The following WDR5 variants were observed in gnomAD, a reference collection of about 807,000 sequenced individuals.
The protein encoded by WDR5 is WD repeat-containing protein 5.
For synonymous variants in WDR5, 144 were observed against 161.6 expected (o/e 0.89, Z 0.83); for missense variants, 187 against 416.9 (o/e 0.45, Z 4.80).
intron 9 of WDR5, 106 bp downstream of exon 9, chr9:134,152,135 C>T: frequency 2.2e-6 from 3 of 1,363,970 alleles, no homozygotes; most frequent in Non-Finnish European, 3.0e-6. Flanking sequence ...TGCCCTGGGT[C>T]CGCCCCTGCA....
intron 9 of WDR5, among the ~76,000 whole-genome samples, chr9:134,153,893 C>G (rs1246232319): frequency 6.6e-6 from 1 of 152,206 alleles, no homozygotes; most frequent in Non-Finnish European, 1.5e-5. Context: ...AAACTCTGAC[C>G]TGTACATCGA....
intron 9 of WDR5, 77 bp downstream of exon 9, chr9:134,152,106 C>T (rs765272477): frequency 6.6e-7 from 1 of 1,521,716 alleles, no homozygotes; most frequent in East Asian, 2.3e-5. Flanking sequence ...TGTTCTTCAC[C>T]AGCTCCTCCT....
intron 8 of WDR5, among the ~76,000 whole-genome samples, chr9:134,150,767 G>C (rs574096967): frequency 6.6e-6 from 1 of 152,266 alleles, no homozygotes; most frequent in African/African-American, 2.4e-5. Context: ...ACCAGAACCC[G>C]TGTCAGCTCT....
chr9:134,151,063 C>T (rs1049287655), intron 8 of WDR5, among the ~76,000 whole-genome samples: 4 of 152,124 alleles, frequency 2.6e-5, no homozygotes, highest in South Asian at 2.1e-4. Context: ...GAGGCCCTCC[C>T]GCAGTGATTG....
intron 8 of WDR5, 129 bp from the exon 9 acceptor site, chr9:134,151,854 G>T: frequency 1.1e-6 from 1 of 896,680 alleles, no homozygotes; most frequent in South Asian, 1.6e-5. Flanking sequence ...CTGTTAAACA[G>T]GTGAAGCATA....
chr9:134,144,127 C>G (rs28413814), intron 7 of WDR5, among the ~76,000 whole-genome samples: 21,027 of 152,284 alleles, frequency 0.14, 1,642 homozygotes, highest in East Asian at 0.23. Context: ...TGATACTGCC[C>G]GGACGGACAG....
chr9:134,136,358 A>AGTCC (rs1564185262), intron 1 of WDR5, among the ~76,000 whole-genome samples, 158 bp downstream of exon 1: 1 of 147,946 alleles, frequency 6.8e-6, no homozygotes. Flanking sequence ...CCCGCCCGGG[A>AGTCC]CCCCCGCCCC....
rs67422599 is a variant in WDR5, at chr9:134,137,677, AC to A, written c.-59+1478del. Among the ~76,000 whole-genome samples the A allele has an allele frequency of 1.1e-3, 148 of 139,194 alleles. 9 individuals are homozygous for A. The highest frequency in any genetic ancestry group is 3.8e-3 in the Middle Eastern group (1 of 264). 91.3% of individuals were successfully genotyped at this position (139,194 alleles called of 152,430 possible). A position where few individuals can be genotyped will look rare whatever the true frequency, so the allele number is the denominator to read the frequency against. On this transcript the variant is annotated intron_variant, in intron 1 of 13. Transcript: ENST00000358625. ...CTTTGGACTGTGTCTCAAAAAAAAA[AC>A]AAAAACAAAAAAAAAACACGCCAAG...
rs754671794 is a variant in WDR5, at chr9:134,140,786, G to A, written c.165G>A (p.Pro55=). Residue 55 remains proline (P), a synonymous_variant, in exon 3 of 14, where the codon CCG becomes CCA. Transcript: ENST00000358625. ...CAGTGTCCTCCGTGAAATTCAGCCC[G>A]AATGGAGAGTGGCTGGCAAGTTCAT... The part of the protein sequence containing the change: ...TKAVSSVKFS[P]NGEWLASSSA... 4.3e-6 allele frequency: 7 copies of A among 1,614,152 alleles called. No individual in the cohort carries two copies. The Admixed American group carries it at 6.7e-5, about 15-fold the overall frequency.
intron 1 of WDR5, among the ~76,000 whole-genome samples, chr9:134,137,770 C>T (rs751589109): frequency 6.6e-6 from 1 of 152,122 alleles, no homozygotes; most frequent in Admixed American, 6.5e-5. Flanking sequence ...CCCCGCCACC[C>T]CCCGACGGAG....
Position 134,144,299 on chromosome 9 carries a change from TGGTG to T in WDR5, c.528+1581_528+1584del, listed in dbSNP as rs536578332. On this transcript the variant is annotated intron_variant, in intron 7 of 13. Transcript: ENST00000358625. ...CTGTGTGCTTGCGGGCCCAGCCCCT[TGGTG>T]CCAGTCCGCTGCCCTCCAGGACACC... Among the ~76,000 whole-genome samples, 267 of 152,336 alleles carry T rather than the reference TGGTG, an allele frequency of 1.8e-3. 2 individuals are homozygous for T. Among genetic ancestry groups the T allele is most frequent in the African/African-American group, 6.1e-3 (253 of 41,574 alleles).
chr9:134,152,966 C>T (rs1292831104), intron 9 of WDR5, among the ~76,000 whole-genome samples: 2 of 152,230 alleles, frequency 1.3e-5, no homozygotes, highest in Non-Finnish European at 2.9e-5. Context: ...GCCTCATTTT[C>T]ACTCTGTCGC....
In WDR5 at chr9:134,159,829, A is replaced by T. The variant is rs1832913606; in HGVS notation, c.*1836A>T. On this transcript the variant is annotated 3_prime_UTR_variant, in exon 14 of 14. Coordinates refer to ENST00000358625, the MANE Select transcript of WDR5 (RefSeq NM_017588.3). This position sits in a 1 kb window ranked among gnomAD's most constrained non-coding sequence, Gnocchi z 4.3. Reference sequence around the variant, plus strand: ...GCCCCTTCAGTCTTGTTCTGGGGGGACGGCCCACTCCGGGGAGGGGGTGTG... The same window carrying T: ...GCCCCTTCAGTCTTGTTCTGGGGGGTCGGCCCACTCCGGGGAGGGGGTGTG... The T allele has an allele frequency of 6.6e-6, 1 of 151,864 alleles. No homozygotes were observed. The highest frequency in any genetic ancestry group is 1.5e-5 in the Non-Finnish European group (1 of 67,996). The allele number at this position is 151,864 out of a possible 1,614,324, so 9.4% of individuals were successfully genotyped here. A position where few individuals can be genotyped will look rare whatever the true frequency, so the allele number is the denominator to read the frequency against.
chr9:134,147,862 AG>A (rs1272721182), intron 7 of WDR5, among the ~76,000 whole-genome samples: 1 of 148,488 alleles, frequency 6.7e-6, no homozygotes, highest in Non-Finnish European at 1.5e-5. Flanking sequence ...TCTCTTATGA[AG>A]AAAAAAAAAA....
intron 9 of WDR5, among the ~76,000 whole-genome samples, chr9:134,153,613 A>G (rs1832602884): frequency 6.6e-6 from 1 of 152,090 alleles, no homozygotes; most frequent in Non-Finnish European, 1.5e-5. Context: ...GTGCCTTTTC[A>G]GTGTATGTGA....
intron 3 of WDR5, 65 bp from the exon 4 acceptor site, chr9:134,141,445 T>C (rs1408904605): frequency 1.9e-6 from 3 of 1,544,850 alleles, no homozygotes; most frequent in Non-Finnish European, 2.7e-6. Flanking sequence ...GCTCAGACTT[T>C]GGACTCTGGA....
At position 134,139,845 on chromosome 9, in the gene WDR5, A is replaced by G; in HGVS notation, c.-33A>G. 6.2e-7 allele frequency: 1 copy of G among 1,612,566 alleles called. No homozygotes were observed. On this transcript the variant is annotated 5_prime_UTR_variant, in exon 2 of 14. Coordinates refer to ENST00000358625, the MANE Select transcript of WDR5 (RefSeq NM_017588.3). ...ACTGCCTCTGTCACCGGGTCCCTCC[A>G]CCCTTGTCTCCTGTGCGGCCAGCGT... is the stretch of plus-strand genomic sequence containing the variant.
At chr9:134,151,893 G>T in intron 8 of WDR5, 90 bp from the exon 9 acceptor site, 6 of 1,300,962 alleles carry the variant, frequency 4.6e-6, no homozygotes, top group Non-Finnish European at 6.5e-6. Flanking sequence ...GGAAAAGCGT[G>T]CTAGTCCTAA....
chr9:134,139,094 G>C (rs1304990368), intron 1 of WDR5, among the ~76,000 whole-genome samples: 1 of 152,222 alleles, frequency 6.6e-6, no homozygotes, highest in Non-Finnish European at 1.5e-5. Flanking sequence ...TGCAGTGTGA[G>C]TCCTGCTCGT....
Sources: allele counts gnomAD v4.1 joint callset (sites outside exome capture counted in the v4.1 genomes callset), GRCh38; gene constraint gnomAD v4.1.1; non-coding constraint Gnocchi (gnomAD v3.1); transcripts MANE v1.5; gene names NCBI Gene and HGNC (gene_info 2026-07-23, HGNC 2026-07-21).